The following ZNF135 variants were observed in gnomAD, a reference collection of about 807,000 sequenced individuals.
ZNF135 encodes the protein zinc finger protein 135 (clone pHZ-17).
ZNF135 carries 11 observed loss-of-function variants against 12.3 expected under a neutral mutation model. That is an observed-to-expected ratio of 0.89 (90% CI 0.56 to 1.48). The LOEUF is 1.48. Ranked by LOEUF, ZNF135 falls within the 40% of genes most tolerant of loss-of-function variation. The pLI is 0.00. For synonymous variants in ZNF135, 316 were observed against 312.0 expected (o/e 1.01, Z -0.14); for missense variants, 722 against 815.7 (o/e 0.89, Z 1.40).
In ZNF135 at chr19:58,060,478, A is replaced by C. The variant is rs2073957184; in HGVS notation, c.33+443A>C. On this transcript the variant is annotated intron_variant, in intron 2 of 4. Coordinates refer to ENST00000313434, the MANE Select transcript of ZNF135 (RefSeq NM_001289401.2). This position sits in a 1 kb window ranked among gnomAD's most constrained non-coding sequence, Gnocchi z 4.9. ...TGCATACCTGAGGCTGGGTGATGTC[A>C]GAAAATTGTAGGTGCCCCGGCTCTG... is the stretch of plus-strand genomic sequence containing the variant. 9.5e-7 allele frequency: 1 copy of C among 1,051,078 alleles called. No individual in the cohort carries two copies. The highest frequency in any genetic ancestry group is 5.1e-5 in the Admixed American group (1 of 19,584). The allele number at this position is 1,051,078 out of a possible 1,614,324, so 65.1% of individuals were successfully genotyped here. A position where few individuals can be genotyped will look rare whatever the true frequency, so the allele number is the denominator to read the frequency against.
rs756250252 is a variant in ZNF135 at position 58,066,783 on chromosome 19, A to C, written c.299A>C (p.Gln100Pro). ...RPKVKLSVLK[Q>P]GISEEISNSV... is the part of the protein sequence containing the mutation. ...AAAGTCAAACTGTCAGTTCTAAAGC[A>C]AGGCATCTCTGAAGAAATATCCAAC... is the stretch of plus-strand genomic sequence containing the variant. The change falls in exon 5 of 5, where the codon CAA becomes CCA. Residue 100 changes from glutamine to proline, a missense_variant. Coordinates refer to ENST00000313434, the MANE Select transcript of ZNF135 (RefSeq NM_001289401.2). The C allele has an allele frequency of 1.2e-6, 2 of 1,614,192 alleles. No individual in the cohort carries two copies. The highest frequency in any genetic ancestry group is 1.1e-5 in the South Asian group (1 of 91,080).
In ZNF135 at chr19:58,061,637, C is replaced by T. The variant is rs746457936; in HGVS notation, c.91C>T (p.Leu31=). ...VGFSQEEWGQ[L]KPAQRTLYRD... Reference sequence around the variant, plus strand: ...CTTCAGCCAGGAGGAGTGGGGGCAGCTGAAGCCTGCCCAGAGGACCCTGTA... The same window carrying T: ...CTTCAGCCAGGAGGAGTGGGGGCAGTTGAAGCCTGCCCAGAGGACCCTGTA... The change falls in exon 3 of 5, where the codon CTG becomes TTG. Residue 31 remains leucine, a synonymous_variant. Coordinates refer to ENST00000313434, the MANE Select transcript of ZNF135 (RefSeq NM_001289401.2). 1 of 1,613,634 alleles carries T rather than the reference C, an allele frequency of 6.2e-7. No homozygotes were observed. Among genetic ancestry groups the T allele is most frequent in the Non-Finnish European group, 8.5e-7 (1 of 1,179,768 alleles).
At position 58,061,643 on chromosome 19, in the gene ZNF135, C is replaced by A; in HGVS notation, c.97C>A (p.Pro33Thr). The A allele has an allele frequency of 6.2e-7, 1 of 1,613,554 alleles. No homozygotes were observed. The highest frequency in any genetic ancestry group is 8.5e-7 in the Non-Finnish European group (1 of 1,179,742). The part of the protein sequence containing the change: ...FSQEEWGQLK[P>T]AQRTLYRDVM... ...CCAGGAGGAGTGGGGGCAGCTGAAGCCTGCCCAGAGGACCCTGTACCGTGA... is the reference window on the plus strand; with the variant it reads ...CCAGGAGGAGTGGGGGCAGCTGAAGACTGCCCAGAGGACCCTGTACCGTGA... The change falls in exon 3 of 5, where the codon CCT becomes ACT. Residue 33 changes from proline (P) to threonine (T), a missense_variant. Pro to Thr is a conservative substitution (Grantham distance 38, BLOSUM62 -1). Transcript: ENST00000313434.
chr19:58,061,713 C>G lies in ZNF135; in HGVS notation c.160+7C>G. ...AGGCTTCTGGTCTCTGTGGGTAAGG[C>G]CACACCCATGTCCTATCTGTTGATC... On this transcript the variant is annotated splice_region_variant and intron_variant, in intron 3 of 4. Coordinates refer to ENST00000313434, the MANE Select transcript of ZNF135 (RefSeq NM_001289401.2). The G allele has an allele frequency of 6.2e-7, 1 of 1,610,074 alleles. No homozygotes were observed. The highest frequency in any genetic ancestry group is 8.5e-7 in the Non-Finnish European group (1 of 1,178,514).
chr19:58,065,423 T>C lies in ZNF135; in HGVS notation c.257-1318T>C, dbSNP rs192088824. 2.6e-5 allele frequency among the ~76,000 whole-genome samples: 4 copies of C among 152,300 alleles called. No individual in the cohort carries two copies. Among genetic ancestry groups the C allele is most frequent in the Admixed American group, 2.6e-4 (4 of 15,298 alleles). Reference sequence around the variant, plus strand: ...TTTGCCCAGGCATGTCTTGAACTCTTAGGCTCAAGGAGTCCTCCCACCTCA... The same window carrying C: ...TTTGCCCAGGCATGTCTTGAACTCTCAGGCTCAAGGAGTCCTCCCACCTCA... On this transcript the variant is annotated intron_variant, in intron 4 of 4. Coordinates refer to ENST00000313434, the MANE Select transcript of ZNF135 (RefSeq NM_001289401.2). This position sits in a 1 kb window ranked among gnomAD's most constrained non-coding sequence, Gnocchi z 4.0.
In ZNF135 at chr19:58,067,412, A is replaced by T. The variant is rs140413572; in HGVS notation, c.928A>T (p.Arg310Trp). 18 of 1,614,028 alleles carry T rather than the reference A, an allele frequency of 1.1e-5. No homozygotes were observed. Among genetic ancestry groups the T allele is most frequent in the South Asian group, 8.8e-5 (8 of 91,092 alleles). ...CGAATGTGGGAAATCCTTCAGTTTTAGGTCCTCCTTCAGCCAGCACGAGCG... is the reference window on the plus strand; with the variant it reads ...CGAATGTGGGAAATCCTTCAGTTTTTGGTCCTCCTTCAGCCAGCACGAGCG... ...CSECGKSFSF[R>W]SSFSQHERTH... is the part of the protein sequence containing the mutation. The change falls in exon 5 of 5, where the codon AGG (arginine) becomes TGG (tryptophan). Residue 310 changes from arginine to tryptophan, a missense_variant. Physicochemically the swap from Arg to Trp is moderately radical, Grantham distance 101 (BLOSUM62 -3). Transcript: ENST00000313434.
upstream of ZNF135, chr19:58,059,276 G>T (rs1464010891): frequency 6.3e-7 from 1 of 1,579,892 alleles, no homozygotes; most frequent in African/African-American, 1.4e-5. This position sits in a 1 kb window ranked among gnomAD's most constrained non-coding sequence, Gnocchi z 6.5. Context: ...AGTGTCGGCT[G>T]CCGGTGCCGC....
rs752710425 is a variant in ZNF135 at position 58,065,743 on chromosome 19, T to C, written c.257-998T>C. 6.6e-5 allele frequency among the ~76,000 whole-genome samples: 10 copies of C among 152,188 alleles called. No homozygotes were observed. The highest frequency in any genetic ancestry group is 6.2e-4 in the South Asian group (3 of 4,828). On this transcript the variant is annotated intron_variant, in intron 4 of 4. Transcript: ENST00000313434. The surrounding 1 kb of genome is among the most constrained non-coding windows in gnomAD (Gnocchi z 4.0). ...ACCTTAATTCCTCCCTCCCATGTAA[T>C]TGGAAACATACAGGTTATAGGGTTA... is the stretch of plus-strand genomic sequence containing the variant.
Position 58,066,845 on chromosome 19 carries a change from C to T in ZNF135, c.361C>T (p.Leu121=). The T allele has an allele frequency of 6.2e-7, 1 of 1,614,184 alleles. No individual in the cohort carries two copies. Among genetic ancestry groups the T allele is most frequent in the Admixed American group, 1.7e-5 (1 of 60,018 alleles). Reference sequence around the variant, plus strand: ...GGTAGAAAGATTCCTGTGGGATGGTCTGTGGTACTGCAGGGGTGAGGACAC... The same window carrying T: ...GGTAGAAAGATTCCTGTGGGATGGTTTGTGGTACTGCAGGGGTGAGGACAC... The part of the protein sequence containing the change: ...ILVERFLWDG[L]WYCRGEDTEG... The change falls in exon 5 of 5, where the codon CTG becomes TTG. Residue 121 remains leucine (L), a synonymous_variant. Transcript: ENST00000313434.
intron 3 of ZNF135, 58 bp downstream of exon 3, chr19:58,061,764 AC>A: frequency 3.2e-6 from 5 of 1,547,570 alleles, no homozygotes; most frequent in Non-Finnish European, 4.3e-6. Context: ...TTCTGATTCT[AC>A]CAGGTTAAAT....
In ZNF135 at chr19:58,067,384, C is replaced by T. The variant is rs1354639577; in HGVS notation, c.900C>T (p.Cys300=). The T allele has an allele frequency of 6.2e-7, 1 of 1,614,162 alleles. No individual in the cohort carries two copies. Residue 300 remains cysteine (C), a synonymous_variant, in exon 5 of 5, where the codon TGC becomes TGT. Coordinates refer to ENST00000313434, the MANE Select transcript of ZNF135 (RefSeq NM_001289401.2). ...ACACAGGTGAGAAGCCCTATGAATG[C>T]AGCGAATGTGGGAAATCCTTCAGTT... is the stretch of plus-strand genomic sequence containing the variant. ...RTHTGEKPYE[C]SECGKSFSFR... is the part of the protein sequence containing the mutation.
rs571324275 is a variant in ZNF135 at position 58,060,747 on chromosome 19, G to A, written c.33+712G>A. Among the ~76,000 whole-genome samples the A allele has an allele frequency of 6.6e-6, 1 of 152,312 alleles. No homozygotes were observed. The highest frequency in any genetic ancestry group is 1.9e-4 in the East Asian group (1 of 5,180). Reference sequence around the variant, plus strand: ...ATGGGGGAGGATTGCTTGAGCCCAGGAGTTGGAGGCTGCAGTGAGCCATGA... The same window carrying A: ...ATGGGGGAGGATTGCTTGAGCCCAGAAGTTGGAGGCTGCAGTGAGCCATGA... On this transcript the variant is annotated intron_variant, in intron 2 of 4. Coordinates refer to ENST00000313434, the MANE Select transcript of ZNF135 (RefSeq NM_001289401.2). The surrounding 1 kb of genome is among the most constrained non-coding windows in gnomAD (Gnocchi z 4.9).
At position 58,068,667 on chromosome 19, in the gene ZNF135, CAAA is replaced by C; in HGVS notation, c.*207_*209del. On this transcript the variant is annotated 3_prime_UTR_variant, in exon 5 of 5. Transcript: ENST00000313434. ...GCTCTAGGTCATCCATCTCTGCATC[CAAA>C]TAGTAGGGAAACGTGGAGATAATCA... is the stretch of plus-strand genomic sequence containing the variant. The C allele has an allele frequency of 3.4e-6, 2 of 586,628 alleles. No homozygotes were observed. Among genetic ancestry groups the C allele is most frequent in the Non-Finnish European group, 5.9e-6 (2 of 340,322 alleles). 36.3% of individuals were successfully genotyped at this position (586,628 alleles called of 1,614,324 possible).
Position 58,066,953 on chromosome 19 carries a change from C to A in ZNF135, c.469C>A (p.Leu157Met). ...CTTCACGCCTGTGAAGACGCCTGTT[C>A]TGGAGCAGTGGCAGAGGAATGGGTT... ...VAFTPVKTPV[L>M]EQWQRNGFGE... The change falls in exon 5 of 5, where the codon CTG (leucine) becomes ATG (methionine). Residue 157 changes from leucine to methionine, a missense_variant. Transcript: ENST00000313434. The A allele has an allele frequency of 6.2e-7, 1 of 1,614,180 alleles. No homozygotes were observed. The highest frequency in any genetic ancestry group is 8.5e-7 in the Non-Finnish European group (1 of 1,180,038).
Position 58,063,704 on chromosome 19 carries a change from C to T in ZNF135, c.256+163C>T, listed in dbSNP as rs2074021364. Reference sequence around the variant, plus strand: ...GCTGTGAGTGACGACACCACGTCCTCATCTCCACTGAATTTATATTCTTGG... The same window carrying T: ...GCTGTGAGTGACGACACCACGTCCTTATCTCCACTGAATTTATATTCTTGG... On this transcript the variant is annotated intron_variant, in intron 4 of 4. Transcript: ENST00000313434. The surrounding 1 kb of genome is among the most constrained non-coding windows in gnomAD (Gnocchi z 4.4). The T allele has an allele frequency of 7.1e-7, 1 of 1,407,480 alleles. No individual in the cohort carries two copies. Among genetic ancestry groups the T allele is most frequent in the South Asian group, 1.5e-5 (1 of 65,900 alleles). The allele number at this position is 1,407,480 out of a possible 1,614,324, so 87.2% of individuals were successfully genotyped here.
Position 58,067,310 on chromosome 19 carries a change from G to A in ZNF135, c.826G>A (p.Gly276Arg), listed in dbSNP as rs1221985803. Residue 276 changes from glycine (G) to arginine (R), a missense_variant, in exon 5 of 5, where the codon GGG becomes AGG. By Grantham distance (125) the Gly-to-Arg change is moderately radical. Transcript: ENST00000313434. The part of the protein sequence containing the change: ...GEKPYKCTQC[G>R]RTFNQIAPLI... ...GAAACCCTATAAATGCACTCAGTGTGGGAGGACCTTCAACCAAATTGCCCC... is the reference window on the plus strand; with the variant it reads ...GAAACCCTATAAATGCACTCAGTGTAGGAGGACCTTCAACCAAATTGCCCC... 2 of 1,614,046 alleles carry A rather than the reference G, an allele frequency of 1.2e-6. No homozygotes were observed. Among genetic ancestry groups the A allele is most frequent in the Non-Finnish European group, 1.7e-6 (2 of 1,180,042 alleles).
At position 58,060,008 on chromosome 19, in the gene ZNF135, C is replaced by T. The variant is rs1248379592; in HGVS notation, c.6C>T (p.Thr2=). The T allele has an allele frequency of 1.2e-6, 2 of 1,613,414 alleles. No homozygotes were observed. The highest frequency in any genetic ancestry group is 1.7e-6 in the Non-Finnish European group (2 of 1,179,874). Residue 2 remains threonine (T), a synonymous_variant, in exon 2 of 5, where the codon ACC becomes ACT. Coordinates refer to ENST00000313434, the MANE Select transcript of ZNF135 (RefSeq NM_001289401.2). This position sits in a 1 kb window ranked among gnomAD's most constrained non-coding sequence, Gnocchi z 4.9. ...TTCCTGCCAGAAGCCAGGGCATGAC[C>T]CCTGGGGTGCGCGTCTCCACAGACC... M[T]PGVRVSTDPE... is the part of the protein sequence containing the mutation.
At chr19:58,066,637 C>T (rs1472954393) in intron 4 of ZNF135, 104 bp from the exon 5 acceptor site, 38 of 1,468,580 alleles carry the variant, frequency 2.6e-5, no homozygotes, top group East Asian at 4.7e-5. Context: ...GAACCTTGAA[C>T]GTTTCAAAAT....
Position 58,067,077 on chromosome 19 carries a change from A to G in ZNF135, c.593A>G (p.Lys198Arg). 1.2e-6 allele frequency: 2 copies of G among 1,614,246 alleles called. No individual in the cohort carries two copies. Among genetic ancestry groups the G allele is most frequent in the Non-Finnish European group, 1.7e-6 (2 of 1,180,038 alleles). Residue 198 changes from lysine to arginine, a missense_variant, in exon 5 of 5, where the codon AAG (lysine) becomes AGG (arginine). By Grantham distance (26) the Lys-to-Arg change is conservative. Transcript: ENST00000313434. ...TGGGGAACACGTGGAAAAAGGGAGA[A>G]GCCAGACCTAAATGTTTTACAGAAA... ...HTWGTRGKRE[K>R]PDLNVLQKTC...
Sources: gnomAD v4.1 joint callset for allele counts (sites outside exome capture counted in the v4.1 genomes callset) on GRCh38, gnomAD v4.1.1 for gene constraint, Gnocchi (gnomAD v3.1) non-coding constraint, MANE v1.5 for transcripts, NCBI Gene and HGNC (gene_info 2026-07-23, HGNC 2026-07-21) for gene names.